The following SKIL variants were observed in gnomAD, a reference collection of about 807,000 sequenced individuals.
The protein encoded by SKIL is ski-like protein.
In SKIL, 20 loss-of-function variants were observed where a neutral mutation model predicts 69.6. The observed-to-expected ratio is 0.29, with a 90% CI of 0.20 to 0.42. The LOEUF (loss-of-function observed/expected upper bound fraction) is 0.42, where lower values mean the gene tolerates loss of function less well. SKIL is among the 10% of genes least tolerant of loss of function. The pLI is 1.00. For synonymous variants in SKIL, 310 were observed against 279.9 expected, an observed-to-expected ratio of 1.11 and a Z score of -1.08; for missense variants, 745 against 783.1, an observed-to-expected ratio of 0.95 and a Z score of 0.58.
In SKIL at chr3:170,393,756, A is replaced by C. The variant is rs1394348292; in HGVS notation, c.*1339A>C. The C allele has an allele frequency of 1.3e-5, 2 of 152,204 alleles. No individual in the cohort carries two copies. The highest frequency in any genetic ancestry group is 2.9e-5 in the Non-Finnish European group (2 of 68,002). The allele number at this position is 152,204 out of a possible 1,614,324, so 9.4% of individuals were successfully genotyped here. ...TTTTATGGGATAATAAATGTTTTTCATGTTCTCTTATAAGATACTATGTAT... is the reference window on the plus strand; with the variant it reads ...TTTTATGGGATAATAAATGTTTTTCCTGTTCTCTTATAAGATACTATGTAT... On this transcript the variant is annotated 3_prime_UTR_variant, in exon 7 of 7. Coordinates refer to ENST00000259119, the MANE Select transcript of SKIL (RefSeq NM_005414.5).
chr3:170,388,302 T>G (rs75295239), intron 4 of SKIL, among the ~76,000 whole-genome samples: 1 of 152,132 alleles, frequency 6.6e-6, no homozygotes, highest in Non-Finnish European at 1.5e-5. Flanking sequence ...ACATTGCATA[T>G]CTTTGGAGAA....
Position 170,384,695 on chromosome 3 carries a change from T to C in SKIL, c.1359T>C (p.Tyr453=), listed in dbSNP as rs777635813. 2 of 1,613,128 alleles carry C rather than the reference T, an allele frequency of 1.2e-6. No individual in the cohort carries two copies. Among genetic ancestry groups the C allele is most frequent in the South Asian group, 1.1e-5 (1 of 91,006 alleles). ...GTAAACTTCAAAAAACAGTGTCTTA[T>C]CCAGATGTCTCACTTGAGGAACAGG... ...SSGKLQKTVS[Y]PDVSLEEQEK... Residue 453 remains tyrosine (Y), a synonymous_variant, in exon 4 of 7, where the codon TAT becomes TAC. Coordinates refer to ENST00000259119, the MANE Select transcript of SKIL (RefSeq NM_005414.5).
intron 4 of SKIL, among the ~76,000 whole-genome samples, chr3:170,385,299 TC>T (rs1332495920): frequency 6.7e-6 from 1 of 149,470 alleles, no homozygotes; most frequent in East Asian, 1.9e-4. Flanking sequence ...GGTATGTTGC[TC>T]AAGCTGGTCT....
At chr3:170,382,933 G>A (rs1382802750) in intron 3 of SKIL, among the ~76,000 whole-genome samples, 1 of 151,958 alleles carries the variant, frequency 6.6e-6, no homozygotes, top group Non-Finnish European at 1.5e-5. Context: ...TGGCCAGGCT[G>A]GTCTCGAACT....
At chr3:170,366,559 A>G (rs1487640292) in intron 2 of SKIL, among the ~76,000 whole-genome samples, 1 of 152,070 alleles carries the variant, frequency 6.6e-6, no homozygotes, top group African/African-American at 2.4e-5. Flanking sequence ...ACACGCCTGT[A>G]ATCCCAGCTA....
chr3:170,390,451 A>T lies in SKIL; in HGVS notation c.1658A>T (p.Gln553Leu). The change falls in exon 5 of 7, where the codon CAA becomes CTA. Residue 553 changes from glutamine to leucine, a missense_variant. Transcript: ENST00000259119. ...EKLNLILQKK[Q>L]QLQMEVKMLS... ...CTAAACTTGATTTTGCAAAAGAAGCAACAACTTCAGATGGTAAAATTGTTA... is the reference window on the plus strand; with the variant it reads ...CTAAACTTGATTTTGCAAAAGAAGCTACAACTTCAGATGGTAAAATTGTTA... 6.2e-7 allele frequency: 1 copy of T among 1,609,664 alleles called. No individual in the cohort carries two copies. The highest frequency in any genetic ancestry group is 1.7e-4 in the Middle Eastern group (1 of 6,052).
At chr3:170,374,570 A>G (rs1736943425) in intron 2 of SKIL, among the ~76,000 whole-genome samples, 1 of 152,226 alleles carries the variant, frequency 6.6e-6, no homozygotes, top group Non-Finnish European at 1.5e-5. Context: ...TAGTAGCATT[A>G]CTGCTGAACC....
Position 170,390,381 on chromosome 3 carries a change from A to G in SKIL, c.1588A>G (p.Ile530Val), listed in dbSNP as rs764414749. Residue 530 changes from isoleucine (I) to valine (V), a missense_variant, in exon 5 of 7, where the codon ATC (isoleucine) becomes GTC (valine). Coordinates refer to ENST00000259119, the MANE Select transcript of SKIL (RefSeq NM_005414.5). Reference sequence around the variant, plus strand: ...CATTTGTGAGGATGATAAGGGAAAAATCATGGAAGAAGTAATGAGAACTTA... The same window carrying G: ...CATTTGTGAGGATGATAAGGGAAAAGTCATGGAAGAAGTAATGAGAACTTA... ...DVICEDDKGK[I>V]MEEVMRTYLK... The G allele has an allele frequency of 1.2e-6, 2 of 1,614,024 alleles. No homozygotes were observed. The highest frequency in any genetic ancestry group is 2.2e-5 in the East Asian group (1 of 44,876).
At chr3:170,361,758 T>G (rs1736249834) in intron 2 of SKIL, among the ~76,000 whole-genome samples, 1 of 121,488 alleles carries the variant, frequency 8.2e-6, no homozygotes, top group African/African-American at 2.9e-5. Context: ...TTTTTTTTTT[T>G]GTGCTTTTAG....
In SKIL at chr3:170,392,514, C is replaced by T. The variant is rs1451343934; in HGVS notation, c.*97C>T. On this transcript the variant is annotated 3_prime_UTR_variant, in exon 7 of 7. Coordinates refer to ENST00000259119, the MANE Select transcript of SKIL (RefSeq NM_005414.5). ...AATTCTGAAGAATTTATCTGCATGACGATAACTAGGCATTCTATCCATTTG... is the reference window on the plus strand; with the variant it reads ...AATTCTGAAGAATTTATCTGCATGATGATAACTAGGCATTCTATCCATTTG... The T allele has an allele frequency of 6.7e-5, 45 of 672,310 alleles. No homozygotes were observed. Among genetic ancestry groups the T allele is most frequent in the Admixed American group, 1.8e-4 (6 of 33,136 alleles). 41.6% of individuals were successfully genotyped at this position (672,310 alleles called of 1,614,324 possible).
intron 2 of SKIL, among the ~76,000 whole-genome samples, chr3:170,370,041 C>T (rs936165993): frequency 4.6e-5 from 7 of 151,846 alleles, no homozygotes; most frequent in African/African-American, 1.5e-4. Context: ...AGATCGAGAC[C>T]ATCCTGGCTA....
intron 2 of SKIL, among the ~76,000 whole-genome samples, chr3:170,367,863 T>G (rs1346323808): frequency 6.6e-6 from 1 of 152,288 alleles, no homozygotes; most frequent in African/African-American, 2.4e-5. Flanking sequence ...TCTCTATAGA[T>G]TACTTATGAT....
chr3:170,390,259 A>T lies in SKIL; in HGVS notation c.1466A>T (p.Lys489Ile), dbSNP rs201335988. The change falls in exon 5 of 7, where the codon AAA becomes ATA. Residue 489 changes from lysine to isoleucine, a missense_variant. Coordinates refer to ENST00000259119, the MANE Select transcript of SKIL (RefSeq NM_005414.5). ...SISNNSTSKR[K>I]SESATCNLVR... ...TCAAATAATTCTACAAGTAAAAGGA[A>T]ATCTGAGTCTGCCACTTGCAACTTA... The T allele has an allele frequency of 6.2e-7, 1 of 1,612,734 alleles. No individual in the cohort carries two copies. Among genetic ancestry groups the T allele is most frequent in the Non-Finnish European group, 8.5e-7 (1 of 1,178,762 alleles).
At position 170,362,510 on chromosome 3, in the gene SKIL, C is replaced by CAA. The variant is rs542662107; in HGVS notation, c.1098+1084_1098+1085dup. Reference sequence around the variant, plus strand: ...AGGGAAACTCCATCAAAAAACAAAACAAAACAAACAAACAACCTATCAACA... The same window carrying CAA: ...AGGGAAACTCCATCAAAAAACAAAACAAAAAACAAACAAACAACCTATCAACA... On this transcript the variant is annotated intron_variant, in intron 2 of 6. Transcript: ENST00000259119. Among the ~76,000 whole-genome samples the CAA allele has an allele frequency of 5.5e-3, 712 of 130,356 alleles. 5 individuals carry two copies. Among genetic ancestry groups the CAA allele is most frequent in the South Asian group, 0.013 (51 of 3,878 alleles). The allele number at this position is 130,356 out of a possible 152,430, so 85.5% of individuals were successfully genotyped here. A position where few individuals can be genotyped will look rare whatever the true frequency, so the allele number is the denominator to read the frequency against.
intron 2 of SKIL, among the ~76,000 whole-genome samples, chr3:170,367,456 A>G (rs1301099266): frequency 1.8e-5 from 2 of 109,830 alleles, no homozygotes; most frequent in African/African-American, 6.3e-5. Flanking sequence ...TAAGAACTAT[A>G]TATACCCTTT....
At chr3:170,362,371 C>G (rs1266527996) in intron 2 of SKIL, among the ~76,000 whole-genome samples, 1 of 150,238 alleles carries the variant, frequency 6.7e-6, no homozygotes, top group African/African-American at 2.5e-5. Flanking sequence ...GATGTGGTGT[C>G]GCACACTTGT....
chr3:170,382,920 T>C (rs935047888), intron 3 of SKIL, among the ~76,000 whole-genome samples: 1 of 152,028 alleles, frequency 6.6e-6, no homozygotes, highest in African/African-American at 2.4e-5. Context: ...GGTTTCACCA[T>C]GTTGGCCAGG....
chr3:170,371,179 A>T (rs1023164361), intron 2 of SKIL, among the ~76,000 whole-genome samples: 1 of 152,182 alleles, frequency 6.6e-6, no homozygotes, highest in Non-Finnish European at 1.5e-5. Context: ...TTTGTGCAAA[A>T]GCATTTCTAG....
intron 4 of SKIL, among the ~76,000 whole-genome samples, chr3:170,389,420 T>G (rs995922545): frequency 5.3e-5 from 8 of 151,480 alleles, no homozygotes; most frequent in Non-Finnish European, 8.8e-5. Context: ...TTCACGCCAT[T>G]CTTCTGCCTC....
Sources: allele counts gnomAD v4.1 joint callset (sites outside exome capture counted in the v4.1 genomes callset), GRCh38; gene constraint gnomAD v4.1.1; transcripts MANE v1.5; gene names NCBI Gene and HGNC (gene_info 2026-07-23, HGNC 2026-07-21).